LYPLAL1: variants seen among roughly 807,000 people sequenced by gnomAD.
LYPLAL1 encodes the protein lysophospholipase-like protein 1.
LYPLAL1 carries 23 observed loss-of-function variants against 19.7 expected under a neutral mutation model. The observed-to-expected ratio is 1.17, with a 90% CI of 0.84 to 1.65. The LOEUF (loss-of-function observed/expected upper bound fraction) is 1.65, where lower values mean the gene tolerates loss of function less well. Among genes scored for constraint, LYPLAL1 ranks in the 40% most tolerant of loss-of-function variants. LYPLAL1 has a pLI of 0.00. For synonymous variants in LYPLAL1, 119 were observed against 96.3 expected, an observed-to-expected ratio of 1.24 and a Z score of -1.38; for missense variants, 355 against 279.4, an observed-to-expected ratio of 1.27 and a Z score of -1.93.
chr1:219,440,783 A>T, the LYPLAL1 span, among the ~76,000 whole-genome samples: 1 of 152,234 alleles, frequency 6.6e-6, no homozygotes, highest in Non-Finnish European at 1.5e-5. Context: ...GAAGGATTCC[A>T]GGTAACAAAT....
the LYPLAL1 span, among the ~76,000 whole-genome samples, chr1:219,386,026 A>T: frequency 3.3e-5 from 5 of 152,034 alleles, no homozygotes; most frequent in Non-Finnish European, 7.4e-5. Flanking sequence ...TGGATGGGGG[A>T]CTCCAAGCAT....
At chr1:219,229,294 TGAGAGA>T in the LYPLAL1 span, among the ~76,000 whole-genome samples, 12,051 of 132,730 alleles carry the variant, frequency 0.091, 677 homozygotes, top group South Asian at 0.23. Flanking sequence ...ACAAGCATTT[TGAGAGA>T]GAGAGAGAGA....
chr1:219,339,454 A>G, the LYPLAL1 span, among the ~76,000 whole-genome samples: 1 of 152,084 alleles, frequency 6.6e-6, no homozygotes, highest in Non-Finnish European at 1.5e-5. Flanking sequence ...ATTATTATTA[A>G]GAATTAAATC....
the LYPLAL1 span, among the ~76,000 whole-genome samples, chr1:219,384,746 A>G: frequency 6.6e-6 from 1 of 152,360 alleles, no homozygotes; most frequent in African/African-American, 2.4e-5. Context: ...TTTTATTGTC[A>G]TAAAATATGT....
At chr1:219,256,728 T>G in the LYPLAL1 span, among the ~76,000 whole-genome samples, 1 of 152,022 alleles carries the variant, frequency 6.6e-6, no homozygotes, top group Non-Finnish European at 1.5e-5. Flanking sequence ...ACGGATTCCT[T>G]CTACACATGG....
the LYPLAL1 span, among the ~76,000 whole-genome samples, chr1:219,292,846 A>G: frequency 6.6e-5 from 10 of 152,154 alleles, no homozygotes; most frequent in Non-Finnish European, 1.5e-4. Context: ...AGAGCTATTG[A>G]ACTAGCCTGG....
chr1:219,373,871 A>AC, the LYPLAL1 span, among the ~76,000 whole-genome samples: 7 of 22,766 alleles, frequency 3.1e-4, no homozygotes, highest in South Asian at 8.3e-3. Flanking sequence ...GTCAAAAAAA[A>AC]AAAAAAAAAA....
At chr1:219,206,840 G>A (rs1450508748) in intron 3 of LYPLAL1, among the ~76,000 whole-genome samples, 6 of 151,058 alleles carry the variant, frequency 4.0e-5, no homozygotes, top group African/African-American at 1.5e-4. Flanking sequence ...TTTCTTGATA[G>A]TTATGCTTTT....
chr1:219,298,464 A>G, the LYPLAL1 span, among the ~76,000 whole-genome samples: 72 of 152,238 alleles, frequency 4.7e-4, 2 homozygotes, highest in Non-Finnish European at 1.2e-4. Context: ...CAATCCCTCT[A>G]GCCACTAAGG....
the LYPLAL1 span, among the ~76,000 whole-genome samples, chr1:219,276,773 T>A: frequency 6.6e-6 from 1 of 152,238 alleles, no homozygotes; most frequent in African/African-American, 2.4e-5. Flanking sequence ...AAAAGAAGTA[T>A]GGAAAAGGAG....
At chr1:219,223,246 C>G in the LYPLAL1 span, 2 of 151,984 alleles carry the variant, frequency 1.3e-5, no homozygotes, top group African/African-American at 4.8e-5. Context: ...GATGTCTTCC[C>G]TCAGCCTACA....
chr1:219,279,785 G>T, the LYPLAL1 span, among the ~76,000 whole-genome samples: 1 of 152,010 alleles, frequency 6.6e-6, no homozygotes, highest in East Asian at 1.9e-4. Context: ...AAGTCAAAAG[G>T]ATTTTTCACA....
At chr1:219,339,991 A>T in the LYPLAL1 span, among the ~76,000 whole-genome samples, 5 of 152,030 alleles carry the variant, frequency 3.3e-5, no homozygotes, top group Admixed American at 1.3e-4. Flanking sequence ...ATTTAAAATT[A>T]TTATATTGTT....
At chr1:219,300,256 T>C in the LYPLAL1 span, among the ~76,000 whole-genome samples, 1 of 152,162 alleles carries the variant, frequency 6.6e-6, no homozygotes, top group Non-Finnish European at 1.5e-5. Flanking sequence ...AGTGATGGGA[T>C]ACAGGTGTGA....
the LYPLAL1 span, chr1:219,435,246 C>A: frequency 6.6e-6 from 1 of 152,184 alleles, no homozygotes; most frequent in African/African-American, 2.4e-5. Flanking sequence ...AAAACTAAGA[C>A]ATAGGGTGGT....
the LYPLAL1 span, among the ~76,000 whole-genome samples, chr1:219,269,896 A>T: frequency 3.9e-5 from 6 of 152,362 alleles, no homozygotes; most frequent in Admixed American, 1.3e-4. Context: ...ATGTGACTAG[A>T]AATCATAAAA....
chr1:219,266,159 T>C, the LYPLAL1 span, among the ~76,000 whole-genome samples: 7 of 152,296 alleles, frequency 4.6e-5, no homozygotes, highest in Non-Finnish European at 7.4e-5. Context: ...TTTTAAATTT[T>C]TGACTCTTTT....
the LYPLAL1 span, among the ~76,000 whole-genome samples, chr1:219,219,079 G>C: frequency 6.6e-6 from 1 of 152,174 alleles, no homozygotes; most frequent in African/African-American, 2.4e-5. Flanking sequence ...GTCTAGGACA[G>C]TGTTGCCATT....
At chr1:219,418,054 C>T in the LYPLAL1 span, among the ~76,000 whole-genome samples, 1 of 152,308 alleles carries the variant, frequency 6.6e-6, no homozygotes. Flanking sequence ...GACCTGATTT[C>T]ATCAGCTACT....
Sources: gnomAD v4.1 joint callset for allele counts (sites outside exome capture counted in the v4.1 genomes callset) on GRCh38, gnomAD v4.1.1 for gene constraint, MANE v1.5 for transcripts, NCBI Gene and HGNC (gene_info 2026-07-23, HGNC 2026-07-21) for gene names.